Variants in FUT8 observed in about 807,000 individuals in gnomAD.
FUT8 encodes the protein fucosyltransferase 8.
A neutral mutation model predicts 71.3 loss-of-function variants in FUT8; 29 were observed. The ratio of observed to expected loss-of-function variants is 0.41; its 90% CI spans 0.30 to 0.55. FUT8 has a LOEUF of 0.55. Among genes scored for constraint, FUT8 ranks in the 20% least tolerant of loss-of-function variants. The pLI is 0.34. For missense variants in FUT8, 544 were observed against 702.1 expected, an observed-to-expected ratio of 0.77 and a Z score of 2.55; for synonymous variants, 254 against 239.3, an observed-to-expected ratio of 1.06 and a Z score of -0.57.
At chr14:65,451,583 G>A (rs1331549329) in intron 1 of FUT8, among the ~76,000 whole-genome samples, 1 of 152,222 alleles carries the variant, frequency 6.6e-6, no homozygotes, top group Non-Finnish European at 1.5e-5. Flanking sequence ...ATCCACACTT[G>A]TGGCTCCTGA....
At chr14:65,639,509 GAC>G (rs10559310) in intron 6 of FUT8, among the ~76,000 whole-genome samples, 79,149 of 148,032 alleles carry the variant, frequency 0.53, 21,264 homozygotes, top group East Asian at 0.69. Context: ...TTCAAATCCA[GAC>G]ACACACACAC....
intron 3 of FUT8, among the ~76,000 whole-genome samples, chr14:65,585,080 T>C (rs1458457943): frequency 6.6e-6 from 1 of 152,204 alleles, no homozygotes; most frequent in Non-Finnish European, 1.5e-5. Context: ...ACTCAACTGT[T>C]AGGATGTTTG....
rs1426106981 is a variant in FUT8, at chr14:65,553,842, T to C, written c.-227-7495T>C. 5.3e-5 allele frequency among the ~76,000 whole-genome samples: 8 copies of C among 151,982 alleles called. No individual in the cohort carries two copies. In the South Asian group the frequency reaches 1.0e-3, roughly 20 times the overall value. On this transcript the variant is annotated intron_variant, in intron 2 of 10. Transcript: ENST00000673929. ...TCTTTTTTCCTAGTTACCTGAAAGA[T>C]TTTTCTCTTTCAGTTTGTTTTTTAG... is the stretch of plus-strand genomic sequence containing the variant.
intron 1 of FUT8, among the ~76,000 whole-genome samples, chr14:65,425,667 G>A (rs2065374428): frequency 6.6e-6 from 1 of 152,004 alleles, no homozygotes; most frequent in South Asian, 2.1e-4. Context: ...GTGTGTTTGT[G>A]TGGTGAGAAC....
chr14:65,599,501 T>C (rs1888185906), intron 3 of FUT8, among the ~76,000 whole-genome samples: 1 of 152,230 alleles, frequency 6.6e-6, no homozygotes, highest in Non-Finnish European at 1.5e-5. Context: ...TGCTAGGGAA[T>C]GGCTGGTACA....
chr14:65,528,648 G>A (rs1286056211), intron 2 of FUT8, among the ~76,000 whole-genome samples: 1 of 152,108 alleles, frequency 6.6e-6, no homozygotes, highest in African/African-American at 2.4e-5. Context: ...GCTCAGGCTG[G>A]GAGCTATAGA....
chr14:65,636,669 G>C (rs1890575404), intron 6 of FUT8: 3 of 152,142 alleles, frequency 2.0e-5, no homozygotes, highest in African/African-American at 7.2e-5. Context: ...GTTCCAGTTG[G>C]AGTTGATTTC....
intron 9 of FUT8, 59 bp from the exon 10 acceptor site, chr14:65,733,172 G>T (rs1292352493): frequency 1.9e-6 from 2 of 1,065,090 alleles, no homozygotes; most frequent in East Asian, 2.7e-5. Flanking sequence ...GAGAAAGTCT[G>T]CCTTCTGATA....
the FUT8 span, among the ~76,000 whole-genome samples, chr14:65,365,802 C>G: frequency 6.6e-6 from 1 of 152,078 alleles, no homozygotes; most frequent in African/African-American, 2.4e-5. Flanking sequence ...TGGTGCTGCT[C>G]TGCCTATGGA....
intron 6 of FUT8, among the ~76,000 whole-genome samples, chr14:65,642,406 C>CA (rs1890881980): frequency 1.3e-5 from 2 of 152,002 alleles, no homozygotes; most frequent in Admixed American, 1.3e-4. Context: ...AGTTTGAGAC[C>CA]AGCCTGGCCA....
intron 3 of FUT8, among the ~76,000 whole-genome samples, chr14:65,566,716 A>T (rs1427307602): frequency 6.6e-6 from 1 of 151,942 alleles, no homozygotes; most frequent in African/African-American, 2.4e-5. Flanking sequence ...TTAGGTTTTC[A>T]ACATGCCTGT....
At chr14:65,427,785 A>G (rs1441423559) in intron 1 of FUT8, among the ~76,000 whole-genome samples, 1 of 152,196 alleles carries the variant, frequency 6.6e-6, no homozygotes, top group African/African-American at 2.4e-5. Flanking sequence ...CCAGTTTTAG[A>G]AAACTTTCAT....
chr14:65,602,845 C>T (rs1272375722), intron 3 of FUT8, among the ~76,000 whole-genome samples: 2 of 151,814 alleles, frequency 1.3e-5, no homozygotes, highest in African/African-American at 4.8e-5. Flanking sequence ...TATTCATGTC[C>T]TTAGCCCACT....
chr14:65,712,784 G>A (rs1005090642), intron 7 of FUT8, among the ~76,000 whole-genome samples: 1 of 152,080 alleles, frequency 6.6e-6, no homozygotes, highest in East Asian at 1.9e-4. Context: ...AAAAAATTCT[G>A]TGGGTACATA....
chr14:65,407,887 G>T (rs1290088591), upstream of FUT8, among the ~76,000 whole-genome samples: 1 of 152,106 alleles, frequency 6.6e-6, no homozygotes, highest in Non-Finnish European at 1.5e-5. Flanking sequence ...TGGCAATCTG[G>T]GTTACAGGTT....
Position 65,486,049 on chromosome 14 carries a change from C to A in FUT8, c.-228+30331C>A, listed in dbSNP as rs977047468. Among the ~76,000 whole-genome samples, 22 of 152,106 alleles carry A rather than the reference C, an allele frequency of 1.4e-4. 1 individual carries two copies. The highest frequency in any genetic ancestry group is 1.2e-3 in the Admixed American group (19 of 15,268). The stretch of plus-strand genomic sequence containing the variant: ...ACCTCCATATATAGCATATTTTTAA[C>A]CCCATTATTTTCCATTTTTTAAAAC... On this transcript the variant is annotated intron_variant, in intron 2 of 10. Transcript: ENST00000673929.
chr14:65,400,053 A>G, the FUT8 span, among the ~76,000 whole-genome samples: 1 of 152,306 alleles, frequency 6.6e-6, no homozygotes, highest in East Asian at 1.9e-4. Context: ...ATATTTTGCT[A>G]TTTTGTACAT....
intron 2 of FUT8, among the ~76,000 whole-genome samples, chr14:65,543,465 A>G (rs1884803857): frequency 6.6e-6 from 1 of 152,186 alleles, no homozygotes; most frequent in Non-Finnish European, 1.5e-5. Flanking sequence ...ACTGATACAT[A>G]CCTTTTAGTA....
chr14:65,604,928 T>C (rs1332693598), intron 3 of FUT8, among the ~76,000 whole-genome samples: 1 of 151,862 alleles, frequency 6.6e-6, no homozygotes, highest in Non-Finnish European at 1.5e-5. Flanking sequence ...TAAGTGTGCA[T>C]GAAAGCATGT....
Sources: gnomAD v4.1 joint callset for allele counts (sites outside exome capture counted in the v4.1 genomes callset) on GRCh38, gnomAD v4.1.1 for gene constraint, MANE v1.5 for transcripts, NCBI Gene and HGNC (gene_info 2026-07-23, HGNC 2026-07-21) for gene names.